The following MRPL49 variants were observed in gnomAD, a reference collection of about 807,000 sequenced individuals.
MRPL49 encodes mitochondrial ribosomal protein L49.
In MRPL49, 14 loss-of-function variants were observed where a neutral mutation model predicts 18.4. That is an observed-to-expected ratio of 0.76 (90% CI 0.50 to 1.19). MRPL49 has a LOEUF of 1.19. Among genes scored for constraint, MRPL49 ranks in the 50% most tolerant of loss-of-function variants. MRPL49 has a pLI of 0.00. For synonymous variants in MRPL49, 104 were observed against 86.2 expected, an observed-to-expected ratio of 1.21 and a Z score of -1.14; for missense variants, 190 against 217.8, an observed-to-expected ratio of 0.87 and a Z score of 0.80.
At position 65,126,784 on chromosome 11, in the gene MRPL49, G is replaced by C. The variant is rs1168727868; in HGVS notation, c.*912G>C. ...GCACGTTCTTGGTCACTGTTCCATTGCAGACCAGACTTGCTGGCCTGACCA... is the reference window on the plus strand; with the variant it reads ...GCACGTTCTTGGTCACTGTTCCATTCCAGACCAGACTTGCTGGCCTGACCA... On this transcript the variant is annotated 3_prime_UTR_variant, in exon 4 of 4. Coordinates refer to ENST00000279242, the MANE Select transcript of MRPL49 (RefSeq NM_004927.4). The C allele has an allele frequency of 1.8e-6, 1 of 540,810 alleles. No individual in the cohort carries two copies. Among genetic ancestry groups the C allele is most frequent in the East Asian group, 3.1e-5 (1 of 32,322 alleles). The allele number at this position is 540,810 out of a possible 1,614,324, so 33.5% of individuals were successfully genotyped here. A position where few individuals can be genotyped will look rare whatever the true frequency, so the allele number is the denominator to read the frequency against.
intron 1 of MRPL49, among the ~76,000 whole-genome samples, chr11:65,122,760 C>T (rs970566222): frequency 5.4e-5 from 8 of 149,016 alleles, no homozygotes; most frequent in African/African-American, 2.0e-4. Flanking sequence ...CGCTCTGTCG[C>T]CCAGGCTGGA....
rs1948113433 is a variant in MRPL49 at position 65,127,312 on chromosome 11, C to T, written c.*1440C>T. On this transcript the variant is annotated 3_prime_UTR_variant, in exon 4 of 4. Coordinates refer to ENST00000279242, the MANE Select transcript of MRPL49 (RefSeq NM_004927.4). ...GCAAGTTTTTATTTGGCTGTATATACAATTTAAGCTATTAAAATTTGTACA... is the reference window on the plus strand; with the variant it reads ...GCAAGTTTTTATTTGGCTGTATATATAATTTAAGCTATTAAAATTTGTACA... 2.3e-6 allele frequency: 1 copy of T among 431,646 alleles called. No homozygotes were observed. Among genetic ancestry groups the T allele is most frequent in the Non-Finnish European group, 4.1e-6 (1 of 244,192 alleles). 26.7% of individuals were successfully genotyped at this position (431,646 alleles called of 1,614,324 possible). A position where few individuals can be genotyped will look rare whatever the true frequency, so the allele number is the denominator to read the frequency against.
chr11:65,124,712 G>C (rs1165602858), intron 2 of MRPL49, 60 bp downstream of exon 2: 7 of 1,578,370 alleles, frequency 4.4e-6, no homozygotes, highest in Non-Finnish European at 6.0e-6. Flanking sequence ...CCTCCCCAGA[G>C]GTTGGCCTCC....
At chr11:65,122,309 A>T, upstream of MRPL49, 1 of 1,604,420 alleles carries the variant, frequency 6.2e-7, no homozygotes, top group South Asian at 1.1e-5. Context: ...GCGGGACCAG[A>T]CAGTTGCGCG....
intron 2 of MRPL49, 69 bp downstream of exon 2, chr11:65,124,721 C>T (rs964495167): frequency 1.7e-5 from 27 of 1,553,652 alleles, no homozygotes; most frequent in Non-Finnish European, 2.3e-5. Flanking sequence ...AGGTTGGCCT[C>T]CCCCATGAGG....
Position 65,124,510 on chromosome 11 carries a change from C to T in MRPL49, c.87C>T (p.Thr29=). ...TTTTTGTTTTGCTTCAGAGCCAGAC[C>T]CAGGGCCCTCCAGATTACCCCAGGT... ...RGCGLRLLSQ[T]QGPPDYPRFV... is the part of the protein sequence containing the mutation. Residue 29 remains threonine, a synonymous_variant, in exon 2 of 4, where the codon ACC becomes ACT. Transcript: ENST00000279242. 3 of 1,613,920 alleles carry T rather than the reference C, an allele frequency of 1.9e-6. No individual in the cohort carries two copies. Among genetic ancestry groups the T allele is most frequent in the South Asian group, 1.1e-5 (1 of 91,042 alleles).
In MRPL49 at chr11:65,125,782, C is replaced by A; in HGVS notation, c.411C>A (p.Val137=). The A allele has an allele frequency of 6.2e-7, 1 of 1,613,480 alleles. No homozygotes were observed. The change falls in exon 4 of 4, where the codon GTC becomes GTA. Residue 137 remains valine, a synonymous_variant. Transcript: ENST00000279242. Reference sequence around the variant, plus strand: ...GCCCGCTGCTGGGGAAGACACCTGTCACCCAGGTCAATGAGGTGACAGGTA... The same window carrying A: ...GCCCGCTGCTGGGGAAGACACCTGTAACCCAGGTCAATGAGGTGACAGGTA... ...FLSPLLGKTP[V]TQVNEVTGTL...
intron 1 of MRPL49, 30 bp downstream of exon 1, chr11:65,122,454 A>C: frequency 6.3e-7 from 1 of 1,595,748 alleles, no homozygotes; most frequent in South Asian, 1.1e-5. Context: ...AGCTGAGGGC[A>C]TCGCGTGGGT....
rs1039868678 is a variant in MRPL49 at position 65,125,591 on chromosome 11, G to T, written c.333G>T (p.Arg111=). The T allele has an allele frequency of 4.6e-6, 7 of 1,519,652 alleles. No homozygotes were observed. In the African/African-American group the frequency reaches 9.7e-5, roughly 21 times the overall value. 94.1% of individuals were successfully genotyped at this position (1,519,652 alleles called of 1,614,324 possible). The change falls in exon 3 of 4, where the codon CGG becomes CGT. Residue 111 remains arginine, a synonymous_variant. Coordinates refer to ENST00000279242, the MANE Select transcript of MRPL49 (RefSeq NM_004927.4). ...GCAACCGGCAGATGACTGTGATCCG[G>T]AAAGTGGAAGGGGACATCTGGGTAA... is the stretch of plus-strand genomic sequence containing the variant. ...THGNRQMTVI[R]KVEGDIWALQ... is the part of the protein sequence containing the mutation.
Position 65,127,106 on chromosome 11 carries a change from G to A in MRPL49, c.*1234G>A, listed in dbSNP as rs186572747. On this transcript the variant is annotated 3_prime_UTR_variant, in exon 4 of 4. Coordinates refer to ENST00000279242, the MANE Select transcript of MRPL49 (RefSeq NM_004927.4). ...ACTGAACTCTGGGCTGCTTCTCTGT[G>A]TGTAAAATGGGCACATCTTCCTAAT... The A allele has an allele frequency of 1.4e-6, 1 of 694,736 alleles. No individual in the cohort carries two copies. Among genetic ancestry groups the A allele is most frequent in the South Asian group, 1.5e-5 (1 of 66,340 alleles). 43.0% of individuals were successfully genotyped at this position (694,736 alleles called of 1,614,324 possible).
chr11:65,124,358 A>G, intron 1 of MRPL49, 144 bp from the exon 2 acceptor site: 3 of 820,732 alleles, frequency 3.7e-6, no homozygotes, highest in East Asian at 2.6e-5. Flanking sequence ...CTCCATTTTG[A>G]TTCTGATAGC....
chr11:65,124,934 C>A lies in MRPL49; in HGVS notation c.229+282C>A, dbSNP rs1281798199. On this transcript the variant is annotated intron_variant, in intron 2 of 3. Coordinates refer to ENST00000279242, the MANE Select transcript of MRPL49 (RefSeq NM_004927.4). ...CCAAGAGCTTGGACCTTCTTTCCCCCCAGCAGACTATGTACTGTAATTAAG... is the reference window on the plus strand; with the variant it reads ...CCAAGAGCTTGGACCTTCTTTCCCCACAGCAGACTATGTACTGTAATTAAG... 69 of 359,662 alleles carry A rather than the reference C, an allele frequency of 1.9e-4. No individual in the cohort carries two copies. In the Admixed American group the frequency reaches 2.9e-3, roughly 15 times the overall value. 22.3% of individuals were successfully genotyped at this position (359,662 alleles called of 1,614,324 possible). A position where few individuals can be genotyped will look rare whatever the true frequency, so the allele number is the denominator to read the frequency against.
rs542001355 is a variant in MRPL49 at position 65,125,563 on chromosome 11, A to C, written c.305A>C (p.His102Pro). 9 of 1,544,370 alleles carry C rather than the reference A, an allele frequency of 5.8e-6. No homozygotes were observed. In the African/African-American group the frequency reaches 1.1e-4, roughly 19 times the overall value. The change falls in exon 3 of 4, where the codon CAT (histidine) becomes CCT (proline). Residue 102 changes from histidine (H) to proline (P), a missense_variant. Coordinates refer to ENST00000279242, the MANE Select transcript of MRPL49 (RefSeq NM_004927.4). ...ATCCCCGTCTACAAGGACATCACGCATGGCAACCGGCAGATGACTGTGATC... is the reference window on the plus strand; with the variant it reads ...ATCCCCGTCTACAAGGACATCACGCCTGGCAACCGGCAGATGACTGTGATC... ...HNIPVYKDIT[H>P]GNRQMTVIRK...
Position 65,125,850 on chromosome 11 carries a change from G to A in MRPL49, c.479G>A (p.Trp160Ter), listed in dbSNP as rs1472887621. ...KGYFDQELKA[W>*]LLEKGF ...TACTTTGACCAGGAGCTTAAAGCCT[G>A]GCTCTTGGAGAAAGGCTTCTGAGGC... The change falls in exon 4 of 4, where the codon TGG becomes TAG. Residue 160 changes from tryptophan (W) to a stop codon, truncating the protein, a stop_gained. Coordinates refer to ENST00000279242, the MANE Select transcript of MRPL49 (RefSeq NM_004927.4). LOFTEE classifies it high-confidence loss of function. The A allele has an allele frequency of 5.6e-6, 9 of 1,608,016 alleles. No individual in the cohort carries two copies. The Admixed American group carries it at 8.4e-5, about 15-fold the overall frequency.
At chr11:65,122,689 G>A (rs1296223370) in intron 1 of MRPL49, among the ~76,000 whole-genome samples, 2 of 151,524 alleles carry the variant, frequency 1.3e-5, no homozygotes, top group African/African-American at 4.9e-5. Flanking sequence ...TAGCATATGA[G>A]TGTGCGTGGG....
chr11:65,122,273 T>C (rs1178940213), upstream of MRPL49: 1 of 1,546,674 alleles, frequency 6.5e-7, no homozygotes, highest in South Asian at 1.2e-5. Context: ...CGAACCTGCC[T>C]GGGCAGGCAG....
Position 65,125,909 on chromosome 11 carries a change from T to C in MRPL49, c.*37T>C. On this transcript the variant is annotated 3_prime_UTR_variant, in exon 4 of 4. Coordinates refer to ENST00000279242, the MANE Select transcript of MRPL49 (RefSeq NM_004927.4). ...GCAGCCTGCTTGTCAGCATGCCCTG[T>C]GGATCAAGTCTAGGGGGCCTCAGGA... 1 of 1,583,196 alleles carries C rather than the reference T, an allele frequency of 6.3e-7. No individual in the cohort carries two copies. Among genetic ancestry groups the C allele is most frequent in the Non-Finnish European group, 8.6e-7 (1 of 1,161,720 alleles).
intron 1 of MRPL49, 63 bp downstream of exon 1, chr11:65,122,487 G>T: frequency 6.7e-7 from 1 of 1,493,074 alleles, no homozygotes; most frequent in East Asian, 2.4e-5. Context: ...GTTAATCATT[G>T]TTAACCCCGA....
upstream of MRPL49, chr11:65,122,220 C>G (rs780243077): frequency 3.0e-6 from 3 of 998,054 alleles, no homozygotes; most frequent in South Asian, 4.6e-5. Context: ...CTATTTGTAC[C>G]GCCCAAGGCA....
Sources: allele counts gnomAD v4.1 joint callset (sites outside exome capture counted in the v4.1 genomes callset), GRCh38; gene constraint gnomAD v4.1.1; transcripts MANE v1.5; gene names NCBI Gene and HGNC (gene_info 2026-07-23, HGNC 2026-07-21).